The following MB21D2 variants were observed in gnomAD, a reference collection of about 807,000 sequenced individuals.
MB21D2 encodes the protein Mab-21 domain containing 2.
In MB21D2, 9 loss-of-function variants were observed where a neutral mutation model predicts 33.3. That is an observed-to-expected ratio of 0.27 (90% CI 0.16 to 0.47). The LOEUF (loss-of-function observed/expected upper bound fraction) is 0.47. MB21D2 is among the 20% of genes least tolerant of loss of function. The pLI is 0.99. For missense variants in MB21D2, 540 were observed against 624.6 expected, an observed-to-expected ratio of 0.86 and a Z score of 1.44; for synonymous variants, 241 against 236.3, an observed-to-expected ratio of 1.02 and a Z score of -0.18.
intron 1 of MB21D2, among the ~76,000 whole-genome samples, chr3:192,900,501 G>A (rs548612632): frequency 6.6e-6 from 1 of 152,260 alleles, no homozygotes; most frequent in South Asian, 2.1e-4. Flanking sequence ...CCAAGTCACA[G>A]CACCATGTTC....
Position 192,799,227 on chromosome 3 carries a change from T to G in MB21D2, c.635A>C (p.Lys212Thr). The G allele has an allele frequency of 6.2e-7, 1 of 1,614,236 alleles. No individual in the cohort carries two copies. Among genetic ancestry groups the G allele is most frequent in the South Asian group, 1.1e-5 (1 of 91,084 alleles). ...GATGATGGTCCCATTTTTTTCCACC[T>G]TTTCTACCTTTGGCATCCCTCGCTG... Reference protein sequence around the residue: ...KPQRGMPKVEKVEKNGTIISI... With the variant: ...KPQRGMPKVETVEKNGTIISI... Residue 212 changes from lysine to threonine, a missense_variant, in exon 2 of 2, where the codon AAG becomes ACG. Coordinates refer to ENST00000392452, the MANE Select transcript of MB21D2 (RefSeq NM_178496.4). The surrounding 1 kb of genome is among the most constrained non-coding windows in gnomAD (Gnocchi z 4.1).
At chr3:192,896,013 G>GA (rs1362434680) in intron 1 of MB21D2, among the ~76,000 whole-genome samples, 1 of 151,992 alleles carries the variant, frequency 6.6e-6, no homozygotes, top group Non-Finnish European at 1.5e-5. Context: ...TAAGGAGACG[G>GA]AAAAAAAGGA....
intron 1 of MB21D2, among the ~76,000 whole-genome samples, chr3:192,853,626 T>C (rs966294605): frequency 6.6e-6 from 1 of 152,032 alleles, no homozygotes; most frequent in Admixed American, 6.5e-5. Context: ...TCCACATACA[T>C]TTCTGGTGTT....
rs560068323 is a variant in MB21D2 at position 192,879,857 on chromosome 3, C to T, written c.211+37773G>A. Among the ~76,000 whole-genome samples the T allele has an allele frequency of 1.0e-3, 152 of 152,258 alleles. 1 individual carries two copies. The highest frequency in any genetic ancestry group is 3.3e-3 in the African/African-American group (139 of 41,534). On this transcript the variant is annotated intron_variant, in intron 1 of 1. Coordinates refer to ENST00000392452, the MANE Select transcript of MB21D2 (RefSeq NM_178496.4). ...ACCACAAAGCAGTCAGCTTCAGCAC[C>T]TTGCCCAAGGCCAAATTCCTCAAAT...
chr3:192,895,069 G>C (rs1713935933), intron 1 of MB21D2, among the ~76,000 whole-genome samples: 1 of 152,164 alleles, frequency 6.6e-6, no homozygotes, highest in African/African-American at 2.4e-5. Context: ...CGAATCCGGT[G>C]GCCTGGGTTG....
intron 1 of MB21D2, among the ~76,000 whole-genome samples, chr3:192,896,784 A>G (rs1713983513): frequency 6.6e-6 from 1 of 152,184 alleles, no homozygotes; most frequent in Non-Finnish European, 1.5e-5. Context: ...ATCCAGCTAG[A>G]ACTCTGATAT....
intron 1 of MB21D2, among the ~76,000 whole-genome samples, chr3:192,800,003 C>T (rs1372362051): frequency 6.6e-6 from 1 of 152,166 alleles, no homozygotes; most frequent in Admixed American, 6.6e-5. Flanking sequence ...CTCTTTGCTG[C>T]CCTTCTACTG....
intron 1 of MB21D2, among the ~76,000 whole-genome samples, chr3:192,910,393 G>A (rs766007067): frequency 3.2e-4 from 49 of 151,814 alleles, no homozygotes; most frequent in Non-Finnish European, 3.4e-4. Context: ...TAGGAGGATC[G>A]CTTGAGCCCA....
intron 1 of MB21D2, among the ~76,000 whole-genome samples, chr3:192,845,443 C>T (rs898171740): frequency 6.6e-6 from 1 of 152,210 alleles, no homozygotes; most frequent in African/African-American, 2.4e-5. Flanking sequence ...AGAAGTGTTT[C>T]CTCTCCACTC....
chr3:192,855,637 A>G (rs1288754720), intron 1 of MB21D2, among the ~76,000 whole-genome samples: 1 of 152,244 alleles, frequency 6.6e-6, no homozygotes, highest in Non-Finnish European at 1.5e-5. Context: ...CAGAGTCAAA[A>G]CACAGAAGTG....
chr3:192,875,600 A>G (rs573806449), intron 1 of MB21D2, among the ~76,000 whole-genome samples: 1 of 152,330 alleles, frequency 6.6e-6, no homozygotes, highest in African/African-American at 2.4e-5. Context: ...CTGGAATGAA[A>G]TGGAAATGTA....
intron 1 of MB21D2, among the ~76,000 whole-genome samples, chr3:192,826,748 A>AC (rs1712180807): frequency 6.6e-6 from 1 of 152,158 alleles, no homozygotes; most frequent in Non-Finnish European, 1.5e-5. Flanking sequence ...CCTAAATAGC[A>AC]CAAGGTCTCC....
chr3:192,899,477 C>T (rs1156912772), intron 1 of MB21D2, among the ~76,000 whole-genome samples: 1 of 151,800 alleles, frequency 6.6e-6, no homozygotes, highest in Non-Finnish European at 1.5e-5. Flanking sequence ...TGCAGGGAAC[C>T]GAGATCACGC....
At position 192,798,628 on chromosome 3, in the gene MB21D2, G is replaced by A. The variant is rs1443718606; in HGVS notation, c.1234C>T (p.Arg412Cys). 10 of 1,613,744 alleles carry A rather than the reference G, an allele frequency of 6.2e-6. No individual in the cohort carries two copies. In the African/African-American group the frequency reaches 8.0e-5, roughly 13 times the overall value. ...SVRSDPAEHL[R>C]TAIEHVKAAN... ...GCCTTGACATGCTCAATGGCGGTGC[G>A]CAAGTGCTCTGCCGGGTCTGAGCGC... The change falls in exon 2 of 2, where the codon CGC (arginine) becomes TGC (cysteine). Residue 412 changes from arginine (R) to cysteine (C), a missense_variant. Coordinates refer to ENST00000392452, the MANE Select transcript of MB21D2 (RefSeq NM_178496.4). This position sits in a 1 kb window ranked among gnomAD's most constrained non-coding sequence, Gnocchi z 4.8.
intron 1 of MB21D2, among the ~76,000 whole-genome samples, chr3:192,824,055 G>A (rs1048714890): frequency 3.9e-5 from 6 of 152,146 alleles, no homozygotes; most frequent in Admixed American, 1.3e-4. Context: ...AAGAGAACAC[G>A]GAACAGTAGG....
chr3:192,846,016 T>A (rs912261919), intron 1 of MB21D2, among the ~76,000 whole-genome samples: 2 of 152,112 alleles, frequency 1.3e-5, no homozygotes, highest in Non-Finnish European at 2.9e-5. Flanking sequence ...CCCTGGAGGT[T>A]AAGGATGCAG....
intron 1 of MB21D2, among the ~76,000 whole-genome samples, chr3:192,809,293 A>G (rs1218986449): frequency 6.6e-6 from 1 of 152,076 alleles, no homozygotes; most frequent in East Asian, 1.9e-4. Flanking sequence ...ATGGGGTTTC[A>G]CCGTATTGGC....
chr3:192,882,359 GC>G (rs1387866259), intron 1 of MB21D2, among the ~76,000 whole-genome samples: 1 of 125,912 alleles, frequency 7.9e-6, no homozygotes, highest in Non-Finnish European at 1.6e-5. Flanking sequence ...ACAGGCATGA[GC>G]CACTGCGCCC....
chr3:192,881,237 C>T (rs1424046843), intron 1 of MB21D2, among the ~76,000 whole-genome samples: 1 of 152,076 alleles, frequency 6.6e-6, no homozygotes, highest in African/African-American at 2.4e-5. Context: ...CTATATCCCA[C>T]CCATGAATCC....
Sources: allele counts gnomAD v4.1 joint callset (sites outside exome capture counted in the v4.1 genomes callset), GRCh38; gene constraint gnomAD v4.1.1; non-coding constraint Gnocchi (gnomAD v3.1); transcripts MANE v1.5; gene names NCBI Gene and HGNC (gene_info 2026-07-23, HGNC 2026-07-21).